The following LCA5 variants were observed in gnomAD, a reference collection of about 807,000 sequenced individuals.
LCA5 encodes lebercilin.
LCA5 carries 37 observed loss-of-function variants against 53.0 expected under a neutral mutation model. The ratio of observed to expected loss-of-function variants is 0.70; its 90% CI spans 0.54 to 0.92. LCA5 has a LOEUF of 0.92. Among genes scored for constraint, LCA5 ranks in the 40% least tolerant of loss-of-function variants. The probability of loss-of-function intolerance (pLI) is 0.00; values close to 1 mark genes in which losing one functional copy is unlikely to be tolerated. For synonymous variants in LCA5, 303 were observed against 282.9 expected (o/e 1.07, Z -0.71); for missense variants, 806 against 790.5 (o/e 1.02, Z -0.23).
At chr6:79,528,595 A>C (rs1454061394) in intron 1 of LCA5, among the ~76,000 whole-genome samples, 1 of 152,190 alleles carries the variant, frequency 6.6e-6, no homozygotes, top group South Asian at 2.1e-4. Context: ...TGTTAACTCA[A>C]TAGGAGTCCC....
intron 1 of LCA5, among the ~76,000 whole-genome samples, chr6:79,523,988 G>GC (rs1268334972): frequency 1.3e-5 from 2 of 152,028 alleles, no homozygotes; most frequent in Non-Finnish European, 2.9e-5. Flanking sequence ...TTATATGATT[G>GC]CAACATGCAA....
rs1440875846 is a variant in LCA5 at position 79,487,665 on chromosome 6, A to C, written c.1433T>G (p.Leu478Arg). The change falls in exon 8 of 8, where the codon CTC becomes CGC. Residue 478 changes from leucine (L) to arginine (R), a missense_variant. Coordinates refer to ENST00000369846, the MANE Select transcript of LCA5 (RefSeq NM_001122769.3). ...LAKLNEIDRE[L>R]QDSRNLKYPV... ...GTATTTTAGATTTCGAGAATCTTGGAGTTCTCTGTCAATTTCATTCAGTTT... is the reference window on the plus strand; with the variant it reads ...GTATTTTAGATTTCGAGAATCTTGGCGTTCTCTGTCAATTTCATTCAGTTT... 3 of 1,613,728 alleles carry C rather than the reference A, an allele frequency of 1.9e-6. No homozygotes were observed. The highest frequency in any genetic ancestry group is 2.7e-5 in the African/African-American group (2 of 74,892).
At chr6:79,497,979 A>G (rs1311599543) in intron 3 of LCA5, among the ~76,000 whole-genome samples, 1 of 151,012 alleles carries the variant, frequency 6.6e-6, no homozygotes, top group Non-Finnish European at 1.5e-5. Flanking sequence ...AAAAAGAAAG[A>G]TATGATTAAG....
rs748682545 is a variant in LCA5 at position 79,513,533 on chromosome 6, A to G, written c.399T>C (p.Asn133=). The G allele has an allele frequency of 9.3e-6, 15 of 1,613,726 alleles. No homozygotes were observed. In the South Asian group the frequency reaches 1.1e-4, roughly 12 times the overall value. ...TGTACTGAAGCCTTTTCAAAGATTT[A>G]TTTTCTTTTAGCAGCTCAGCTAACT... ...QVKLAELLKE[N]KSLKRLQYRQ... Residue 133 remains asparagine, a synonymous_variant, in exon 3 of 8, where the codon AAT becomes AAC. Coordinates refer to ENST00000369846, the MANE Select transcript of LCA5 (RefSeq NM_001122769.3).
At chr6:79,529,648 T>C (rs1032110233) in intron 1 of LCA5, among the ~76,000 whole-genome samples, 8 of 152,168 alleles carry the variant, frequency 5.3e-5, no homozygotes, top group African/African-American at 1.9e-4. Context: ...TAAAGACACA[T>C]GCACTCATAT....
rs1769613091 is a variant in LCA5 at position 79,485,220 on chromosome 6, G to A, written c.*1784C>T. The A allele has an allele frequency of 6.6e-6, 1 of 152,070 alleles. No individual in the cohort carries two copies. The highest frequency in any genetic ancestry group is 1.5e-5 in the Non-Finnish European group (1 of 67,886). The allele number at this position is 152,070 out of a possible 1,614,324, so 9.4% of individuals were successfully genotyped here. A position where few individuals can be genotyped will look rare whatever the true frequency, so the allele number is the denominator to read the frequency against. On this transcript the variant is annotated 3_prime_UTR_variant, in exon 8 of 8. Coordinates refer to ENST00000369846, the MANE Select transcript of LCA5 (RefSeq NM_001122769.3). ...TGCATCTTGTTAAAGAGATTATCAG[G>A]TAGAAAAAAAGCAAAAAACTAATTT... is the stretch of plus-strand genomic sequence containing the variant.
At chr6:79,531,424 G>A (rs1766956565) in intron 1 of LCA5, among the ~76,000 whole-genome samples, 1 of 152,054 alleles carries the variant, frequency 6.6e-6, no homozygotes, top group Non-Finnish European at 1.5e-5. Flanking sequence ...ATGTTCTGTT[G>A]CATCTGCAAC....
At chr6:79,537,635 G>T (rs1288333510), upstream of LCA5, among the ~76,000 whole-genome samples, 1 of 152,194 alleles carries the variant, frequency 6.6e-6, no homozygotes, top group South Asian at 2.1e-4. Context: ...AGCGCTCCAG[G>T]CTCCTACGGG....
chr6:79,506,536 G>A (rs892209586), intron 3 of LCA5, among the ~76,000 whole-genome samples: 1 of 152,080 alleles, frequency 6.6e-6, no homozygotes, highest in African/African-American at 2.4e-5. Flanking sequence ...CAGAATTGAT[G>A]CCTTTACTTT....
At chr6:79,510,903 A>G (rs186730465) in intron 3 of LCA5, among the ~76,000 whole-genome samples, 4 of 152,284 alleles carry the variant, frequency 2.6e-5, no homozygotes, top group Admixed American at 2.6e-4. Context: ...TAAAACTTTA[A>G]AAAGTGTTAA....
intron 3 of LCA5, among the ~76,000 whole-genome samples, chr6:79,510,175 CAGAAT>C (rs766259665): frequency 6.6e-5 from 10 of 152,052 alleles, no homozygotes; most frequent in Non-Finnish European, 1.0e-4. Flanking sequence ...ATCAACAGAA[CAGAAT>C]AGAGACTATA....
intron 1 of LCA5, among the ~76,000 whole-genome samples, chr6:79,533,953 A>G (rs558567183): frequency 6.6e-6 from 1 of 151,794 alleles, no homozygotes; most frequent in South Asian, 2.1e-4. Flanking sequence ...AATAAACTTC[A>G]GTGAGAAAGA....
intron 1 of LCA5, among the ~76,000 whole-genome samples, chr6:79,523,802 A>T (rs1425233698): frequency 6.6e-6 from 1 of 152,184 alleles, no homozygotes; most frequent in Non-Finnish European, 1.5e-5. Flanking sequence ...CCCCCCCTCA[A>T]ATACTTCCAC....
chr6:79,533,645 A>G (rs977886912), intron 1 of LCA5, among the ~76,000 whole-genome samples: 5 of 151,948 alleles, frequency 3.3e-5, no homozygotes, highest in South Asian at 2.1e-4. Context: ...CAAAAAAAAA[A>G]AGAAGATAAC....
intron 7 of LCA5, 84 bp downstream of exon 7, chr6:79,489,000 G>C: frequency 6.7e-7 from 1 of 1,485,758 alleles, no homozygotes. Context: ...TCACAGTTAA[G>C]CTGGAAGATA....
At chr6:79,527,402 C>G (rs1338898911) in intron 1 of LCA5, among the ~76,000 whole-genome samples, 1 of 152,206 alleles carries the variant, frequency 6.6e-6, no homozygotes, top group Non-Finnish European at 1.5e-5. Flanking sequence ...CCTCCCTACC[C>G]AATCAAGTTG....
chr6:79,493,473 TA>T, intron 4 of LCA5, 139 bp downstream of exon 4: 2 of 809,356 alleles, frequency 2.5e-6, no homozygotes, highest in Non-Finnish European at 1.9e-6. Flanking sequence ...AAACCTTTTC[TA>T]AGTGCTAAAG....
intron 1 of LCA5, among the ~76,000 whole-genome samples, chr6:79,533,761 T>C (rs1203849642): frequency 1.3e-5 from 2 of 151,702 alleles, no homozygotes; most frequent in African/African-American, 4.8e-5. Flanking sequence ...CATAATGATA[T>C]CTAATTCGTC....
At chr6:79,535,819 C>T (rs985787990) in intron 1 of LCA5, among the ~76,000 whole-genome samples, 4 of 152,060 alleles carry the variant, frequency 2.6e-5, no homozygotes, top group African/African-American at 9.6e-5. Context: ...AAATAGAAGA[C>T]GGAAGACTGA....
Sources: allele counts gnomAD v4.1 joint callset (sites outside exome capture counted in the v4.1 genomes callset), GRCh38; gene constraint gnomAD v4.1.1; transcripts MANE v1.5; gene names NCBI Gene and HGNC (gene_info 2026-07-23, HGNC 2026-07-21).